ATG7: variants seen among roughly 807,000 people sequenced by gnomAD.
ATG7 encodes the protein autophagy related 7, also known as ubiquitin-like modifier-activating enzyme ATG7.
Under a neutral mutation model 82.4 loss-of-function variants are expected in ATG7, and 70 were observed. That is an observed-to-expected ratio of 0.85 (90% CI 0.70 to 1.04). The LOEUF is 1.04. ATG7 is among the 50% of genes least tolerant of loss of function. The pLI, the probability that ATG7 is intolerant of heterozygous loss-of-function variation, is 0.00. For missense variants in ATG7, 792 were observed against 864.3 expected (o/e 0.92, Z 1.05); for synonymous variants, 287 against 313.0 (o/e 0.92, Z 0.88).
At chr3:11,488,185 C>T (rs1276832281) in intron 20 of ATG7, 2 of 134,546 alleles carry the variant, frequency 1.5e-5, no homozygotes, top group Non-Finnish European at 2.6e-5. Flanking sequence ...CAGAGGGGCT[C>T]CTCACATCCC....
Position 11,540,908 on chromosome 3 carries a change from G to GGC in ATG7, c.2080-13902_2080-13901insCG, listed in dbSNP as rs1326861543. ...AAAATTTATAGTTTTAGCTTTTTTT[G>GGC]GGGGGGGGAGGGGGGGAGTCTTGCT... is the stretch of plus-strand genomic sequence containing the variant. On this transcript the variant is annotated intron_variant, in intron 20 of 20. Coordinates refer to ENST00000693202, the MANE Select transcript of ATG7 (RefSeq NM_001349232.2). 2.2e-3 allele frequency among the ~76,000 whole-genome samples: 262 copies of GGC among 116,888 alleles called. 3 individuals are homozygous for GGC. The highest frequency in any genetic ancestry group is 3.3e-3 in the Non-Finnish European group (184 of 56,184). The allele number at this position is 116,888 out of a possible 152,430, so 76.7% of individuals were successfully genotyped here.
intron 20 of ATG7, among the ~76,000 whole-genome samples, chr3:11,470,629 A>T (rs1010614602): frequency 6.6e-6 from 1 of 152,130 alleles, no homozygotes; most frequent in East Asian, 1.9e-4. Flanking sequence ...CAGCATTCCC[A>T]TTTTACAGAT....
chr3:11,367,729 T>A (rs1264903132), intron 18 of ATG7, among the ~76,000 whole-genome samples: 1 of 151,812 alleles, frequency 6.6e-6, no homozygotes, highest in Non-Finnish European at 1.5e-5. Context: ...CCATAAACCA[T>A]TTCAGGTGAG....
chr3:11,402,489 A>G lies in ATG7; in HGVS notation c.1956+22437A>G, dbSNP rs569655889. On this transcript the variant is annotated intron_variant, in intron 19 of 20. Transcript: ENST00000693202. ...AAGCTAGGGGCTGATAAGACCCTGA[A>G]AAACCAGGGTGTGAACCAAGCTGGC... Among the ~76,000 whole-genome samples, 23 of 152,348 alleles carry G rather than the reference A, an allele frequency of 1.5e-4. No individual in the cohort carries two copies. The South Asian group carries it at 3.5e-3, about 23-fold the overall frequency.
chr3:11,409,446 T>C (rs780174714), intron 19 of ATG7, among the ~76,000 whole-genome samples: 25 of 152,240 alleles, frequency 1.6e-4, no homozygotes, highest in Non-Finnish European at 2.8e-4. Flanking sequence ...CAGGCTGACA[T>C]AAATGTTCTG....
At chr3:11,414,548 G>C (rs1317435929) in intron 19 of ATG7, among the ~76,000 whole-genome samples, 1 of 152,010 alleles carries the variant, frequency 6.6e-6, no homozygotes, top group Admixed American at 6.6e-5. Flanking sequence ...TCTTTTTCTT[G>C]TCTTATTTCA....
At chr3:11,511,333 T>C (rs1258609748) in intron 20 of ATG7, among the ~76,000 whole-genome samples, 4 of 152,152 alleles carry the variant, frequency 2.6e-5, no homozygotes, top group East Asian at 1.9e-4. Flanking sequence ...TTCTCCATGT[T>C]CCCATCATAT....
intron 20 of ATG7, among the ~76,000 whole-genome samples, chr3:11,432,747 G>GC (rs1559612872): frequency 6.6e-6 from 1 of 152,116 alleles, no homozygotes; most frequent in Non-Finnish European, 1.5e-5. Context: ...TGGAAGAAAG[G>GC]CCCCACTCAG....
intron 20 of ATG7, among the ~76,000 whole-genome samples, chr3:11,541,145 C>T (rs111973213): frequency 0.035 from 5,355 of 152,286 alleles, 112 homozygotes; most frequent in African/African-American, 0.055. Context: ...CGTGATCCGC[C>T]CGCCTCGGCC....
intron 5 of ATG7, among the ~76,000 whole-genome samples, chr3:11,301,902 A>G (rs749978937): frequency 1.3e-4 from 20 of 152,264 alleles, no homozygotes; most frequent in Non-Finnish European, 1.0e-4. Flanking sequence ...TTAATTAGAA[A>G]AATGCAGTTC....
chr3:11,492,538 G>C (rs983680323), intron 20 of ATG7, among the ~76,000 whole-genome samples: 1 of 151,820 alleles, frequency 6.6e-6, no homozygotes, highest in African/African-American at 2.4e-5. Context: ...CGTGACAGGG[G>C]TTCCCTGTTT....
intron 20 of ATG7, among the ~76,000 whole-genome samples, chr3:11,507,992 G>A (rs1274054316): frequency 2.6e-5 from 4 of 152,018 alleles, no homozygotes; most frequent in Non-Finnish European, 5.9e-5. Flanking sequence ...ACAAAACTGG[G>A]AGAGTTCCAT....
chr3:11,465,680 G>T (rs960442218), intron 20 of ATG7, among the ~76,000 whole-genome samples: 4 of 152,004 alleles, frequency 2.6e-5, no homozygotes, highest in African/African-American at 9.7e-5. Flanking sequence ...GGGAAGGATT[G>T]CTTGAACCCA....
At position 11,557,576 on chromosome 3, in the gene ATG7, A is replaced by G. The variant is rs570236737; in HGVS notation, c.*2733A>G. 6 of 152,738 alleles carry G rather than the reference A, an allele frequency of 3.9e-5. No homozygotes were observed. The East Asian group carries it at 9.4e-4, about 24-fold the overall frequency. 9.5% of individuals were successfully genotyped at this position (152,738 alleles called of 1,614,324 possible). On this transcript the variant is annotated 3_prime_UTR_variant, in exon 21 of 21. Coordinates refer to ENST00000693202, the MANE Select transcript of ATG7 (RefSeq NM_001349232.2). ...CCCGCACTACTTGTGAGTAAAGTGAATATCAAATACCAATCTTAGAGTACA... is the reference window on the plus strand; with the variant it reads ...CCCGCACTACTTGTGAGTAAAGTGAGTATCAAATACCAATCTTAGAGTACA...
At chr3:11,438,113 A>G (rs2083527449) in intron 20 of ATG7, among the ~76,000 whole-genome samples, 1 of 152,072 alleles carries the variant, frequency 6.6e-6, no homozygotes, top group Non-Finnish European at 1.5e-5. Flanking sequence ...CTAAATGGGG[A>G]GACACAATTA....
rs369881536 is a variant in ATG7 at position 11,508,602 on chromosome 3, G to A, written c.2080-46209G>A. Among the ~76,000 whole-genome samples the A allele has an allele frequency of 1.2e-4, 18 of 152,168 alleles. No homozygotes were observed. The South Asian group carries it at 3.3e-3, about 28-fold the overall frequency. On this transcript the variant is annotated intron_variant, in intron 20 of 20. Coordinates refer to ENST00000693202, the MANE Select transcript of ATG7 (RefSeq NM_001349232.2). The stretch of plus-strand genomic sequence containing the variant: ...TCCGAAGTAGCTGGTGTACCACCAT[G>A]CCTGCTAATATTATTATTATTTTCT...
intron 18 of ATG7, among the ~76,000 whole-genome samples, chr3:11,366,950 C>T (rs1038958288): frequency 6.1e-5 from 9 of 148,076 alleles, no homozygotes; most frequent in South Asian, 2.2e-4. Context: ...TGAAGAATAA[C>T]GCAGCCATAT....
the ATG7 span, among the ~76,000 whole-genome samples, chr3:11,564,449 G>A: frequency 6.6e-6 from 1 of 152,014 alleles, no homozygotes; most frequent in Non-Finnish European, 1.5e-5. Flanking sequence ...AGAGAATCAG[G>A]CCTGCCACAG....
chr3:11,523,117 A>G (rs543884347), intron 20 of ATG7, among the ~76,000 whole-genome samples: 1 of 152,334 alleles, frequency 6.6e-6, no homozygotes, highest in East Asian at 1.9e-4. Flanking sequence ...TGTTTGTATT[A>G]TAGCCCAATC....
Sources: allele counts gnomAD v4.1 joint callset (sites outside exome capture counted in the v4.1 genomes callset), GRCh38; gene constraint gnomAD v4.1.1; transcripts MANE v1.5; gene names NCBI Gene and HGNC (gene_info 2026-07-23, HGNC 2026-07-21).